Variants in ADGRF1 observed in about 807,000 individuals in gnomAD.
ADGRF1 encodes adhesion G protein-coupled receptor F1.
A neutral mutation model predicts 87.2 loss-of-function variants in ADGRF1; 85 were observed. That is an observed-to-expected ratio of 0.97 (90% CI 0.82 to 1.17). The LOEUF (loss-of-function observed/expected upper bound fraction) is 1.17, where lower values mean the gene tolerates loss of function less well. ADGRF1 is among the 50% of genes most tolerant of loss of function. The probability of loss-of-function intolerance (pLI) is 0.00; values close to 1 mark genes in which losing one functional copy is unlikely to be tolerated. For synonymous variants in ADGRF1, 430 were observed against 408.8 expected (o/e 1.05, Z -0.63); for missense variants, 1,169 against 1,077.2 (o/e 1.09, Z -1.19).
chr6:47,034,715 A>T (rs1274226811), intron 1 of ADGRF1, among the ~76,000 whole-genome samples: 1 of 152,226 alleles, frequency 6.6e-6, no homozygotes, highest in Non-Finnish European at 1.5e-5. Context: ...ACTTCTGGTT[A>T]CCGAGAATCT....
Position 47,009,153 on chromosome 6 carries a change from A to G in ADGRF1, c.2282T>C (p.Val761Ala), listed in dbSNP as rs1291418895. The change falls in exon 11 of 15, where the codon GTG becomes GCG. Residue 761 changes from valine (V) to alanine (A), a missense_variant. Physicochemically the swap from Val to Ala is moderately conservative, Grantham distance 64. Coordinates refer to ENST00000371253, the MANE Select transcript of ADGRF1 (RefSeq NM_153840.4). ...ALAIVAVNFV[V>A]VLLVLTKLWR... ...GAGCTTTGTGAGAACTAGCAGCACC[A>G]CAACGAAGTTCACAGCCACAATAGC... is the stretch of plus-strand genomic sequence containing the variant. The G allele has an allele frequency of 3.1e-6, 5 of 1,614,166 alleles. No individual in the cohort carries two copies. The African/African-American group carries it at 5.3e-5, about 17-fold the overall frequency.
chr6:46,998,030 G>A lies in ADGRF1; in HGVS notation c.*2192C>T, dbSNP rs1017649382. On this transcript the variant is annotated 3_prime_UTR_variant, in exon 15 of 15. Transcript: ENST00000371253. ...TCTTCCCTCTCCAACTGAGTCTTGTGTTGAGTTGCCTACTTGCGCTAGCAC... is the reference window on the plus strand; with the variant it reads ...TCTTCCCTCTCCAACTGAGTCTTGTATTGAGTTGCCTACTTGCGCTAGCAC... 6.6e-6 allele frequency: 1 copy of A among 152,170 alleles called. No individual in the cohort carries two copies. The highest frequency in any genetic ancestry group is 2.4e-5 in the African/African-American group (1 of 41,426). The allele number at this position is 152,170 out of a possible 1,614,324, so 9.4% of individuals were successfully genotyped here.
At chr6:47,023,520 C>G (rs1780131688) in intron 5 of ADGRF1, among the ~76,000 whole-genome samples, 2 of 152,276 alleles carry the variant, frequency 1.3e-5, no homozygotes, top group African/African-American at 4.8e-5. Flanking sequence ...AACCATAGCT[C>G]CCTCAGCTTC....
intron 5 of ADGRF1, among the ~76,000 whole-genome samples, chr6:47,022,405 G>T (rs1027385188): frequency 1.3e-5 from 2 of 152,146 alleles, no homozygotes; most frequent in African/African-American, 2.4e-5. Flanking sequence ...AAAATTAAAC[G>T]ATGACCGTAA....
At chr6:47,021,860 A>G (rs10456563) in intron 6 of ADGRF1, 98 bp downstream of exon 6, 9 of 676,942 alleles carry the variant, frequency 1.3e-5, no homozygotes, top group East Asian at 1.2e-4. Context: ...CTGAAAACGA[A>G]TAATTAAGAA....
chr6:47,005,405 A>G (rs1308366518), intron 13 of ADGRF1, among the ~76,000 whole-genome samples: 2 of 152,200 alleles, frequency 1.3e-5, no homozygotes, highest in Non-Finnish European at 1.5e-5. Context: ...AAAGACAAGA[A>G]TTTAACCAAG....
rs769963971 is a variant in ADGRF1 at position 47,012,006 on chromosome 6, C to T, written c.1116+1G>A. ...GCCCTTCAAGCACAGGCAGACCATA[C>T]CTCCATTGTTGAATTGGACACCCTG... On this transcript the variant is annotated splice_donor_variant, in intron 10 of 14. Coordinates refer to ENST00000371253, the MANE Select transcript of ADGRF1 (RefSeq NM_153840.4). LOFTEE classifies it high-confidence loss of function. The T allele has an allele frequency of 1.1e-5, 18 of 1,612,394 alleles. No individual in the cohort carries two copies. The South Asian group carries it at 1.2e-4, about 11-fold the overall frequency.
intron 2 of ADGRF1, among the ~76,000 whole-genome samples, chr6:47,028,440 T>C (rs1306583654): frequency 6.6e-6 from 1 of 152,204 alleles, no homozygotes; most frequent in Non-Finnish European, 1.5e-5. Context: ...CTTGCTGAGA[T>C]AGGCAAGAAG....
Position 47,016,714 on chromosome 6 carries a change from T to A in ADGRF1, c.666A>T (p.Glu222Asp). Residue 222 changes from glutamate (E) to aspartate (D), a missense_variant, in exon 8 of 15, where the codon GAA (glutamate) becomes GAT (aspartate). Glu to Asp is a conservative substitution (Grantham distance 45). Transcript: ENST00000371253. ...YEVVGSSSAS[E>D]LLSAIEHVAE... ...CAACATGTTCAATGGCTGACAGCAGTTCAGATGCACTGCTGGAGCCAACAA... is the reference window on the plus strand; with the variant it reads ...CAACATGTTCAATGGCTGACAGCAGATCAGATGCACTGCTGGAGCCAACAA... 6.2e-7 allele frequency: 1 copy of A among 1,611,574 alleles called. No individual in the cohort carries two copies. Among genetic ancestry groups the A allele is most frequent in the Non-Finnish European group, 8.5e-7 (1 of 1,178,004 alleles).
At chr6:47,036,264 A>G (rs779690717) in intron 1 of ADGRF1, among the ~76,000 whole-genome samples, 42 of 151,950 alleles carry the variant, frequency 2.8e-4, no homozygotes, top group Non-Finnish European at 5.3e-4. Flanking sequence ...ACAAACAAAC[A>G]AAAAACAGCT....
At chr6:47,041,375 T>C (rs1004330948) in intron 1 of ADGRF1, among the ~76,000 whole-genome samples, 35 of 152,308 alleles carry the variant, frequency 2.3e-4, no homozygotes, top group Admixed American at 1.2e-3. Context: ...CAAGTTGAGC[T>C]TAATGGATCT....
chr6:47,035,295 G>A (rs992949390), intron 1 of ADGRF1, among the ~76,000 whole-genome samples: 6 of 152,130 alleles, frequency 3.9e-5, no homozygotes, highest in African/African-American at 1.4e-4. Flanking sequence ...ACAGGACCCA[G>A]TCTTCCTGTA....
In ADGRF1 at chr6:47,026,001, G is replaced by A; in HGVS notation, c.130C>T (p.Pro44Ser). The change falls in exon 4 of 15, where the codon CCA becomes TCA. Residue 44 changes from proline (P) to serine (S), a missense_variant and splice_region_variant. Transcript: ENST00000371253. ...LIVNKKKHLG[P>S]VEEYQLLLQV... ...AGCAGCAGCTGATATTCTTCGACTGGGCCTAAAGAGAGAAAGAGAGTCAGA... is the reference window on the plus strand; with the variant it reads ...AGCAGCAGCTGATATTCTTCGACTGAGCCTAAAGAGAGAAAGAGAGTCAGA... The A allele has an allele frequency of 6.4e-7, 1 of 1,571,696 alleles. No individual in the cohort carries two copies. Among genetic ancestry groups the A allele is most frequent in the Non-Finnish European group, 8.6e-7 (1 of 1,157,498 alleles).
intron 1 of ADGRF1, among the ~76,000 whole-genome samples, chr6:47,040,511 T>C (rs921679134): frequency 6.1e-5 from 9 of 148,732 alleles, no homozygotes; most frequent in African/African-American, 1.2e-4. Flanking sequence ...AGGCAAAATA[T>C]TTTGAAAGTT....
intron 14 of ADGRF1, among the ~76,000 whole-genome samples, chr6:47,000,575 T>G (rs972594784): frequency 6.6e-6 from 1 of 152,176 alleles, no homozygotes; most frequent in Non-Finnish European, 1.5e-5. Flanking sequence ...ATGTTATTGC[T>G]GGAAGAATCT....
In ADGRF1 at chr6:47,020,732, G is replaced by A. The variant is rs761959982; in HGVS notation, c.610C>T (p.Arg204Ter). Reference sequence around the variant, plus strand: ...TTCTAAGACCATTGTGTTACTTACCGAAATTGGGTGACCTGAACCGACTCA... The same window carrying A: ...TTCTAAGACCATTGTGTTACTTACCAAAATTGGGTGACCTGAACCGACTCA... ...GFESVQVTQF[R>*]NGSIVAGYEV... Residue 204 changes from arginine (R) to a stop codon, truncating the protein, a stop_gained and splice_region_variant, in exon 7 of 15, where the codon CGA becomes TGA. Transcript: ENST00000371253. LOFTEE classifies it high-confidence loss of function. 8.0e-5 allele frequency: 129 copies of A among 1,613,470 alleles called. No homozygotes were observed. In the Middle Eastern group the frequency reaches 9.9e-4, roughly 12 times the overall value.
Position 47,001,723 on chromosome 6 carries a change from T to C in ADGRF1, c.2593-156A>G, listed in dbSNP as rs148993176. Reference sequence around the variant, plus strand: ...ATTTAGAATGGTTACTTTCTCACTCTTTCTTCTGCTTTAATCTATTTAAAA... The same window carrying C: ...ATTTAGAATGGTTACTTTCTCACTCCTTCTTCTGCTTTAATCTATTTAAAA... On this transcript the variant is annotated intron_variant, in intron 13 of 14. Coordinates refer to ENST00000371253, the MANE Select transcript of ADGRF1 (RefSeq NM_153840.4). 7 of 598,442 alleles carry C rather than the reference T, an allele frequency of 1.2e-5. No homozygotes were observed. The East Asian group carries it at 2.1e-4, about 18-fold the overall frequency. 37.1% of individuals were successfully genotyped at this position (598,442 alleles called of 1,614,324 possible).
At position 47,001,610 on chromosome 6, in the gene ADGRF1, C is replaced by T. The variant is rs769777577; in HGVS notation, c.2593-43G>A. On this transcript the variant is annotated intron_variant, in intron 13 of 14. Coordinates refer to ENST00000371253, the MANE Select transcript of ADGRF1 (RefSeq NM_153840.4). ...AAGTCATTTGGACATTAATAGCATT[C>T]TTTTACTGTTGGTCTGCATTTCCTG... 6.0e-6 allele frequency: 9 copies of T among 1,492,510 alleles called. No homozygotes were observed. The East Asian group carries it at 1.6e-4, about 26-fold the overall frequency. The allele number at this position is 1,492,510 out of a possible 1,614,324, so 92.5% of individuals were successfully genotyped here. A position where few individuals can be genotyped will look rare whatever the true frequency, so the allele number is the denominator to read the frequency against.
intron 13 of ADGRF1, among the ~76,000 whole-genome samples, chr6:47,003,032 A>G (rs929962159): frequency 2.0e-5 from 3 of 152,176 alleles, no homozygotes; most frequent in East Asian, 1.9e-4. Flanking sequence ...CGAACTCTCT[A>G]TATCATGACA....
Sources: gnomAD v4.1 joint callset for allele counts (sites outside exome capture counted in the v4.1 genomes callset) on GRCh38, gnomAD v4.1.1 for gene constraint, MANE v1.5 for transcripts, NCBI Gene and HGNC (gene_info 2026-07-23, HGNC 2026-07-21) for gene names.